Variants in DHX38 observed in about 807,000 individuals in gnomAD.
DHX38 encodes the protein pre-mRNA-splicing factor ATP-dependent RNA helicase PRP16.
DHX38 carries 100 observed loss-of-function variants against 153.1 expected under a neutral mutation model. The ratio of observed to expected loss-of-function variants is 0.65; its 90% confidence interval spans 0.56 to 0.77. DHX38 has a LOEUF of 0.77. Among genes scored for constraint, DHX38 ranks in the 30% least tolerant of loss-of-function variants. The pLI is 0.00. For missense variants in DHX38, 1,440 were observed against 1,654.0 expected, an observed-to-expected ratio of 0.87 and a Z score of 2.24; for synonymous variants, 650 against 631.7, an observed-to-expected ratio of 1.03 and a Z score of -0.43.
At chr16:72,110,120 C>G (rs933787325) in intron 25 of DHX38, among the ~76,000 whole-genome samples, 2 of 152,224 alleles carry the variant, frequency 1.3e-5, no homozygotes, top group African/African-American at 4.8e-5. Flanking sequence ...TTAACTGTTT[C>G]ATTCTAGAAC....
intron 26 of DHX38, 72 bp downstream of exon 26, chr16:72,111,149 T>G (rs1398384241): frequency 4.1e-6 from 6 of 1,474,984 alleles, no homozygotes; most frequent in Non-Finnish European, 2.7e-6. Flanking sequence ...CAGGCCCTGA[T>G]GCAGGGTCAG....
Position 72,112,579 on chromosome 16 carries a change from C to G in DHX38, c.*82C>G. 6.9e-7 allele frequency: 1 copy of G among 1,447,280 alleles called. No homozygotes were observed. Among genetic ancestry groups the G allele is most frequent in the Non-Finnish European group, 9.6e-7 (1 of 1,042,116 alleles). The allele number at this position is 1,447,280 out of a possible 1,614,324, so 89.7% of individuals were successfully genotyped here. ...GGGAGCCCTGAGGCTGCGGACAAAG[C>G]CCTTTCATCTGAGGACTTTCATCTG... is the stretch of plus-strand genomic sequence containing the variant. On this transcript the variant is annotated 3_prime_UTR_variant, in exon 27 of 27. Coordinates refer to ENST00000268482, the MANE Select transcript of DHX38 (RefSeq NM_014003.4).
intron 6 of DHX38, 32 bp from the exon 7 acceptor site, chr16:72,099,172 C>T (rs1046331390): frequency 1.9e-6 from 3 of 1,599,398 alleles, no homozygotes; most frequent in Non-Finnish European, 2.6e-6. Context: ...CAGGCCAGGG[C>T]ATGGACTGAC....
In DHX38 at chr16:72,093,976, C is replaced by CAAAA. The variant is rs2041965460; in HGVS notation, c.-95_-94insAAAA. 2 of 152,508 alleles carry CAAAA rather than the reference C, an allele frequency of 1.3e-5. No individual in the cohort carries two copies. Among genetic ancestry groups the CAAAA allele is most frequent in the Admixed American group, 1.3e-4 (2 of 15,274 alleles). The allele number at this position is 152,508 out of a possible 1,614,324, so 9.4% of individuals were successfully genotyped here. A position where few individuals can be genotyped will look rare whatever the true frequency, so the allele number is the denominator to read the frequency against. ...AGGTGTGGATTTTGGCTCCTTGAGC[C>CAAAA]TGTCTGAGCGAGGGGTGGCAGCGCC... On this transcript the variant is annotated 5_prime_UTR_variant, in exon 1 of 27. It adds an upstream start codon to the 5' untranslated region. Coordinates refer to ENST00000268482, the MANE Select transcript of DHX38 (RefSeq NM_014003.4).
intron 10 of DHX38, 133 bp downstream of exon 10, chr16:72,101,326 G>A (rs878867261): frequency 9.5e-6 from 11 of 1,161,548 alleles, no homozygotes; most frequent in Middle Eastern, 4.0e-4. Flanking sequence ...CGACAGCTGC[G>A]GGGCCTGGTG....
chr16:72,099,801 T>A lies in DHX38; in HGVS notation c.1030T>A (p.Ser344Thr). The A allele has an allele frequency of 6.2e-7, 1 of 1,614,170 alleles. No individual in the cohort carries two copies. Among genetic ancestry groups the A allele is most frequent in the Non-Finnish European group, 8.5e-7 (1 of 1,180,028 alleles). The change falls in exon 8 of 27, where the codon TCC becomes ACC. Residue 344 changes from serine to threonine, a missense_variant. Coordinates refer to ENST00000268482, the MANE Select transcript of DHX38 (RefSeq NM_014003.4). ...DEFHNPLAYS[S>T]EDYVRRREQH... ...GTTCCACAACCCGCTGGCCTACTCC[T>A]CCGAGGACTACGTGAGGAGGCGGGA...
rs902688833 is a variant in DHX38 at position 72,100,446 on chromosome 16, G to T, written c.1127G>T (p.Arg376Leu). 59 of 1,613,892 alleles carry T rather than the reference G, an allele frequency of 3.7e-5. No homozygotes were observed. The highest frequency in any genetic ancestry group is 4.7e-5 in the Non-Finnish European group (55 of 1,179,916). The change falls in exon 9 of 27, where the codon CGC (arginine) becomes CTC (leucine). Residue 376 changes from arginine (R) to leucine (L), a missense_variant. Transcript: ENST00000268482. ...QRRQINEDNERWETNRMLTSG... is the reference protein window; with the variant it reads ...QRRQINEDNELWETNRMLTSG... Reference sequence around the variant, plus strand: ...ATTGTGTCCTCACAGGATAACGAGCGCTGGGAGACAAACCGCATGCTCACC... The same window carrying T: ...ATTGTGTCCTCACAGGATAACGAGCTCTGGGAGACAAACCGCATGCTCACC...
chr16:72,105,042 T>C lies in DHX38; in HGVS notation c.2167T>C (p.Tyr723His). ...GCTGTTGCAGACCCCACAGGAGGATTACGTGGAGGCTGCAGTGAAGCAGTC... is the reference window on the plus strand; with the variant it reads ...GCTGTTGCAGACCCCACAGGAGGATCACGTGGAGGCTGCAGTGAAGCAGTC... ...ILFSKTPQED[Y>H]VEAAVKQSLQ... The change falls in exon 16 of 27, where the codon TAC becomes CAC. Residue 723 changes from tyrosine to histidine, a missense_variant. Physicochemically the swap from Tyr to His is moderately conservative, Grantham distance 83. Coordinates refer to ENST00000268482, the MANE Select transcript of DHX38 (RefSeq NM_014003.4). The C allele has an allele frequency of 6.2e-7, 1 of 1,614,102 alleles. No homozygotes were observed. The highest frequency in any genetic ancestry group is 1.1e-5 in the South Asian group (1 of 91,070).
Position 72,103,755 on chromosome 16 carries a change from C to G in DHX38, c.1791C>G (p.Val597=), listed in dbSNP as rs1436323163. The change falls in exon 13 of 27, where the codon GTC becomes GTG. Residue 597 remains valine, a synonymous_variant. Coordinates refer to ENST00000268482, the MANE Select transcript of DHX38 (RefSeq NM_014003.4). ...CTGCCATGTCAGTGGCCAAGAGAGT[C>G]AGTGAAGAGATGGGGGGAAACCTTG... ...RVAAMSVAKR[V]SEEMGGNLGE... 6.2e-7 allele frequency: 1 copy of G among 1,613,316 alleles called. No homozygotes were observed. Among genetic ancestry groups the G allele is most frequent in the Non-Finnish European group, 8.5e-7 (1 of 1,179,442 alleles).
intron 1 of DHX38, among the ~76,000 whole-genome samples, chr16:72,095,639 A>G (rs944104519): frequency 3.3e-5 from 5 of 152,196 alleles, no homozygotes; most frequent in Non-Finnish European, 7.3e-5. Flanking sequence ...AGCTTCATGG[A>G]TTAGATAAGG....
chr16:72,106,328 C>T (rs1271813669), intron 19 of DHX38, among the ~76,000 whole-genome samples: 1 of 152,256 alleles, frequency 6.6e-6, no homozygotes, highest in Admixed American at 6.5e-5. Context: ...TGAGGCCAAC[C>T]TACGTGGATG....
Position 72,112,666 on chromosome 16 carries a change from A to G in DHX38, c.*169A>G. ...CCAGACTCTCTGGCAGAGGAGGTGGAGTTCTTCCATGCAGGAGCACGGCAT... is the reference window on the plus strand; with the variant it reads ...CCAGACTCTCTGGCAGAGGAGGTGGGGTTCTTCCATGCAGGAGCACGGCAT... On this transcript the variant is annotated 3_prime_UTR_variant, in exon 27 of 27. Transcript: ENST00000268482. 1 of 772,720 alleles carries G rather than the reference A, an allele frequency of 1.3e-6. No homozygotes were observed. Among genetic ancestry groups the G allele is most frequent in the Non-Finnish European group, 2.2e-6 (1 of 448,702 alleles). 47.9% of individuals were successfully genotyped at this position (772,720 alleles called of 1,614,324 possible). A position where few individuals can be genotyped will look rare whatever the true frequency, so the allele number is the denominator to read the frequency against.
rs796852147 is a variant in DHX38 at position 72,104,672 on chromosome 16, C to T, written c.2151+46C>T. On this transcript the variant is annotated intron_variant, in intron 15 of 26. Transcript: ENST00000268482. This position sits in a 1 kb window ranked among gnomAD's most constrained non-coding sequence, Gnocchi z 4.5. Reference sequence around the variant, plus strand: ...CGAACTGACCCTTCCATGCCACGCACTTCTCTGATGCGAAGCCGGCTGGAG... The same window carrying T: ...CGAACTGACCCTTCCATGCCACGCATTTCTCTGATGCGAAGCCGGCTGGAG... 3.7e-6 allele frequency: 6 copies of T among 1,611,744 alleles called. No homozygotes were observed. Among genetic ancestry groups the T allele is most frequent in the Non-Finnish European group, 5.1e-6 (6 of 1,178,742 alleles).
chr16:72,098,036 T>A (rs1597439137), intron 4 of DHX38, among the ~76,000 whole-genome samples: 1 of 152,116 alleles, frequency 6.6e-6, no homozygotes, highest in South Asian at 2.1e-4. Context: ...GAGCTGGAGG[T>A]AGAAGAAGTG....
In DHX38 at chr16:72,103,316, A is replaced by G. The variant is rs1025515949; in HGVS notation, c.1637+105A>G. 8.3e-6 allele frequency: 12 copies of G among 1,449,428 alleles called. No individual in the cohort carries two copies. In the African/African-American group the frequency reaches 1.7e-4, roughly 21 times the overall value. The allele number at this position is 1,449,428 out of a possible 1,614,324, so 89.8% of individuals were successfully genotyped here. A position where few individuals can be genotyped will look rare whatever the true frequency, so the allele number is the denominator to read the frequency against. On this transcript the variant is annotated intron_variant, in intron 12 of 26. Coordinates refer to ENST00000268482, the MANE Select transcript of DHX38 (RefSeq NM_014003.4). The stretch of plus-strand genomic sequence containing the variant: ...TTCTTTTGTGCATTGCACCCAGTGG[A>G]GAAGGGAAATACTTTTTTCCTCTGA...
intron 18 of DHX38, 117 bp downstream of exon 18, chr16:72,105,741 T>G: frequency 1.0e-6 from 1 of 990,980 alleles, no homozygotes. Context: ...GTGGAAGTGG[T>G]GGTGGTGGTG....
intron 26 of DHX38, 25 bp from the exon 27 acceptor site, chr16:72,112,388 C>T: frequency 6.2e-7 from 1 of 1,604,602 alleles, no homozygotes; most frequent in Non-Finnish European, 8.5e-7. Context: ...ACGGTGTTTC[C>T]TGATCTCTCC....
chr16:72,105,765 G>A (rs1303462906), intron 18 of DHX38, 141 bp downstream of exon 18: 4 of 830,330 alleles, frequency 4.8e-6, no homozygotes, highest in Non-Finnish European at 7.9e-6. Context: ...GGCTCACATT[G>A]ACTCACTGTG....
Position 72,096,357 on chromosome 16 carries a change from A to C in DHX38, c.200A>C (p.Asp67Ala). 1.9e-6 allele frequency: 3 copies of C among 1,614,182 alleles called. No individual in the cohort carries two copies. The highest frequency in any genetic ancestry group is 2.5e-6 in the Non-Finnish European group (3 of 1,180,030). ...LKRREREEKD[D>A]GEDKKKSKVS... is the part of the protein sequence containing the mutation. ...CGGAGAGAGCGAGAGGAGAAGGACG[A>C]TGGGGAGGACAAGAAGAAGTCCAAA... is the stretch of plus-strand genomic sequence containing the variant. Residue 67 changes from aspartate (D) to alanine (A), a missense_variant, in exon 2 of 27, where the codon GAT (aspartate) becomes GCT (alanine). Asp to Ala is a moderately radical substitution (Grantham distance 126). Coordinates refer to ENST00000268482, the MANE Select transcript of DHX38 (RefSeq NM_014003.4).
Sources: allele counts gnomAD v4.1 joint callset (sites outside exome capture counted in the v4.1 genomes callset), GRCh38; gene constraint gnomAD v4.1.1; non-coding constraint Gnocchi (gnomAD v3.1); transcripts MANE v1.5; gene names NCBI Gene and HGNC (gene_info 2026-07-23, HGNC 2026-07-21).